The following SV2C variants were observed in gnomAD, a reference collection of about 807,000 sequenced individuals.
SV2C encodes synaptic vesicle glycoprotein 2C, also known as solute carrier family 22 member B3.
SV2C carries 49 observed loss-of-function variants against 79.7 expected under a neutral mutation model. That is an observed-to-expected ratio of 0.61 (90% CI 0.49 to 0.78). The LOEUF (loss-of-function observed/expected upper bound fraction) is 0.78. Ranked by LOEUF, SV2C falls within the 30% of genes least tolerant of loss-of-function variation. The pLI is 0.00. For synonymous variants in SV2C, 334 were observed against 333.2 expected, an observed-to-expected ratio of 1.00 and a Z score of -0.03; for missense variants, 833 against 912.9, an observed-to-expected ratio of 0.91 and a Z score of 1.13.
intron 11 of SV2C, 40 bp downstream of exon 11, chr5:76,300,972 T>C (rs1196945956): frequency 6.2e-7 from 1 of 1,607,840 alleles, no homozygotes; most frequent in Admixed American, 1.7e-5. Context: ...GAGCTGCCCC[T>C]GCAATCCAGA....
chr5:75,852,893 G>A, the SV2C span, among the ~76,000 whole-genome samples: 1 of 151,296 alleles, frequency 6.6e-6, no homozygotes, highest in African/African-American at 2.4e-5. Context: ...GAAGAGCACT[G>A]GTATCAGTAG....
chr5:75,910,341 G>C, the SV2C span: 2 of 554,352 alleles, frequency 3.6e-6, no homozygotes, highest in African/African-American at 3.8e-5. Context: ...TCCCAAAGGA[G>C]ATCATTATTC....
the SV2C span, among the ~76,000 whole-genome samples, chr5:75,947,735 A>G: frequency 6.6e-6 from 1 of 152,042 alleles, no homozygotes; most frequent in Non-Finnish European, 1.5e-5. Context: ...TGTCTCAAAT[A>G]TAACCCCTTA....
intron 8 of SV2C, among the ~76,000 whole-genome samples, chr5:76,292,138 C>T (rs1263344992): frequency 6.6e-6 from 1 of 152,158 alleles, no homozygotes; most frequent in Admixed American, 6.5e-5. Flanking sequence ...CTTTGCCCAG[C>T]CCCAGCCATA....
chr5:75,872,878 G>A, the SV2C span, among the ~76,000 whole-genome samples: 1 of 151,800 alleles, frequency 6.6e-6, no homozygotes, highest in Non-Finnish European at 1.5e-5. Flanking sequence ...CCTGCATGTT[G>A]TGCACACGTA....
In SV2C at chr5:76,330,082, T is replaced by C. The variant is rs75255543; in HGVS notation, c.*4535T>C. ...ATGTAGACAAAAAAAAAAAAAAACC[T>C]GTTAGTATATTCTGGATGTATTGTG... On this transcript the variant is annotated 3_prime_UTR_variant, in exon 13 of 13. Transcript: ENST00000502798. 6.7e-6 allele frequency: 1 copy of C among 150,268 alleles called. No individual in the cohort carries two copies. The highest frequency in any genetic ancestry group is 2.1e-4 in the South Asian group (1 of 4,778). The allele number at this position is 150,268 out of a possible 1,614,324, so 9.3% of individuals were successfully genotyped here. A position where few individuals can be genotyped will look rare whatever the true frequency, so the allele number is the denominator to read the frequency against.
chr5:76,226,839 G>A (rs1745262605), intron 4 of SV2C, among the ~76,000 whole-genome samples: 2 of 152,176 alleles, frequency 1.3e-5, no homozygotes, highest in Admixed American at 1.3e-4. Flanking sequence ...AGCCTGAATA[G>A]GGGAAGATTC....
At chr5:76,033,728 A>T in the SV2C span, among the ~76,000 whole-genome samples, 18 of 152,214 alleles carry the variant, frequency 1.2e-4, no homozygotes, top group East Asian at 2.1e-3. Context: ...CTTGGCAATG[A>T]GGGCTCTTTT....
chr5:75,983,088 A>G, the SV2C span, among the ~76,000 whole-genome samples: 1 of 152,146 alleles, frequency 6.6e-6, no homozygotes. Context: ...TACCTATGTA[A>G]CAAACCTGTA....
chr5:75,867,877 G>A, the SV2C span, among the ~76,000 whole-genome samples: 1 of 152,198 alleles, frequency 6.6e-6, no homozygotes, highest in Admixed American at 6.5e-5. Flanking sequence ...AATTTTAGCT[G>A]AGTGCATACT....
chr5:76,058,048 A>G, the SV2C span, among the ~76,000 whole-genome samples: 2 of 152,168 alleles, frequency 1.3e-5, no homozygotes, highest in African/African-American at 2.4e-5. Context: ...CAGAGATACT[A>G]TTATGGCATA....
chr5:75,983,656 T>C, the SV2C span, among the ~76,000 whole-genome samples: 1 of 151,968 alleles, frequency 6.6e-6, no homozygotes, highest in South Asian at 2.1e-4. Flanking sequence ...GTATTTTGCA[T>C]GTAGAAGGCA....
the SV2C span, among the ~76,000 whole-genome samples, chr5:76,032,403 C>A: frequency 6.6e-6 from 1 of 152,258 alleles, no homozygotes; most frequent in East Asian, 1.9e-4. Context: ...CCCTCTCCCC[C>A]GACCCCACAA....
intron 6 of SV2C, among the ~76,000 whole-genome samples, chr5:76,286,354 T>A (rs1747357995): frequency 6.6e-6 from 1 of 152,000 alleles, no homozygotes; most frequent in Admixed American, 6.6e-5. Context: ...CTCGGCCAGG[T>A]CATACCTTTT....
At chr5:76,273,305 T>C (rs927015782) in intron 4 of SV2C, among the ~76,000 whole-genome samples, 2 of 151,894 alleles carry the variant, frequency 1.3e-5, no homozygotes, top group Admixed American at 1.3e-4. Flanking sequence ...CACATACACA[T>C]GCACATTTCA....
chr5:76,031,960 T>C, the SV2C span, among the ~76,000 whole-genome samples: 1 of 152,164 alleles, frequency 6.6e-6, no homozygotes, highest in Non-Finnish European at 1.5e-5. Flanking sequence ...TAGCCCAGCC[T>C]GAGTAAGATG....
the SV2C span, among the ~76,000 whole-genome samples, chr5:76,021,342 A>G: frequency 6.6e-6 from 1 of 152,232 alleles, no homozygotes. Context: ...ATAAATTTAA[A>G]GCAACATTCC....
intron 1 of SV2C, among the ~76,000 whole-genome samples, chr5:76,101,277 C>A (rs941526630): frequency 3.9e-5 from 6 of 152,252 alleles, no homozygotes; most frequent in Admixed American, 1.3e-4. Flanking sequence ...CAGAAGTTAC[C>A]TTTATCGGAA....
the SV2C span, among the ~76,000 whole-genome samples, chr5:75,906,447 T>C: frequency 0.016 from 2,489 of 152,088 alleles, 35 homozygotes; most frequent in African/African-American, 0.043. Context: ...TTTTTTTTTT[T>C]TCCTAATCAT....
Sources: allele counts gnomAD v4.1 joint callset (sites outside exome capture counted in the v4.1 genomes callset), GRCh38; gene constraint gnomAD v4.1.1; transcripts MANE v1.5; gene names NCBI Gene and HGNC (gene_info 2026-07-23, HGNC 2026-07-21).